DOCK3: variants seen among roughly 807,000 people sequenced by gnomAD.
DOCK3 encodes dedicator of cytokinesis 3.
DOCK3 carries 60 observed loss-of-function variants against 265.6 expected under a neutral mutation model. That is an observed-to-expected ratio of 0.23 (90% CI 0.18 to 0.28). The LOEUF is 0.28. DOCK3 is among the 10% of genes least tolerant of loss of function. The pLI is 1.00. For synonymous variants in DOCK3, 881 were observed against 938.0 expected, an observed-to-expected ratio of 0.94 and a Z score of 1.11; for missense variants, 1,981 against 2,594.3, an observed-to-expected ratio of 0.76 and a Z score of 5.14.
Position 51,357,087 on chromosome 3 carries a change from C to G in DOCK3, c.4629C>G (p.Cys1543Trp). ...GCAACATTAACCTGCTAAGCATGTG[C>G]CTGAATGGTGTCATTGATGCAGCTG... ...VHGNINLLSMCLNGVIDAAVN... is the reference protein window; with the variant it reads ...VHGNINLLSMWLNGVIDAAVN... Residue 1543 changes from cysteine to tryptophan, a missense_variant, in exon 44 of 53, where the codon TGC becomes TGG. Around this residue, in one of 4 missense-constraint regions of DOCK3, gnomAD observed 1,357 missense variants for 1,866.8 expected, o/e 0.73. Coordinates refer to ENST00000266037, the MANE Select transcript of DOCK3 (RefSeq NM_004947.5). 1 of 1,612,966 alleles carries G rather than the reference C, an allele frequency of 6.2e-7. No individual in the cohort carries two copies. Among genetic ancestry groups the G allele is most frequent in the Non-Finnish European group, 8.5e-7 (1 of 1,179,888 alleles).
chr3:50,993,810 A>G (rs1477066936), intron 5 of DOCK3, among the ~76,000 whole-genome samples: 3 of 152,190 alleles, frequency 2.0e-5, no homozygotes, highest in South Asian at 2.1e-4. Flanking sequence ...TGATCATGCC[A>G]TTGCCCTGCT....
chr3:50,979,211 T>C (rs1051162552), intron 5 of DOCK3, among the ~76,000 whole-genome samples: 1 of 152,238 alleles, frequency 6.6e-6, no homozygotes. Context: ...TCAACTACTT[T>C]AGTCAGTGTT....
intron 1 of DOCK3, among the ~76,000 whole-genome samples, chr3:50,680,473 C>T (rs2034322974): frequency 6.7e-6 from 1 of 148,622 alleles, no homozygotes; most frequent in South Asian, 2.1e-4. Flanking sequence ...CTTGACCTCT[C>T]AAAGTGCTGG....
At chr3:50,967,639 G>A (rs1303892857) in intron 5 of DOCK3, among the ~76,000 whole-genome samples, 1 of 152,148 alleles carries the variant, frequency 6.6e-6, no homozygotes, top group Non-Finnish European at 1.5e-5. Context: ...TTACAATCAT[G>A]GTGTCAGGGG....
rs139484547 is a variant in DOCK3 at position 50,982,424 on chromosome 3, G to A, written c.315+48347G>A. The stretch of plus-strand genomic sequence containing the variant: ...GCCTTTTGAAGCAGCCACTGCCATC[G>A]TGCTGGCTGCAGTGGGGAGGTGCAA... On this transcript the variant is annotated intron_variant, in intron 5 of 52. Coordinates refer to ENST00000266037, the MANE Select transcript of DOCK3 (RefSeq NM_004947.5). 4.9e-3 allele frequency among the ~76,000 whole-genome samples: 742 copies of A among 152,202 alleles called. 4 individuals are homozygous for A. The highest frequency in any genetic ancestry group is 0.017 in the Middle Eastern group (5 of 294).
chr3:51,157,192 TTTA>T (rs1364311011), intron 10 of DOCK3, among the ~76,000 whole-genome samples: 1 of 152,030 alleles, frequency 6.6e-6, no homozygotes, highest in African/African-American at 2.4e-5. Context: ...ATAAACATAC[TTTA>T]TTATTTTAAG....
At chr3:50,921,917 G>C (rs990122147) in intron 4 of DOCK3, among the ~76,000 whole-genome samples, 4 of 152,154 alleles carry the variant, frequency 2.6e-5, no homozygotes, top group Non-Finnish European at 5.9e-5. Context: ...TCCTCTGGAA[G>C]CTTCATCTCA....
In DOCK3 at chr3:51,064,550, C is replaced by T. The variant is rs754707449; in HGVS notation, c.418C>T (p.Arg140Trp). 8.1e-6 allele frequency: 13 copies of T among 1,613,894 alleles called. No individual in the cohort carries two copies. In the South Asian group the frequency reaches 9.9e-5, roughly 12 times the overall value. ...LSGHLTQDQVREVKRHITVRL... is the reference protein window; with the variant it reads ...LSGHLTQDQVWEVKRHITVRL... ...TGGTCACCTGACTCAGGATCAGGTG[C>T]GGGAGGTTAAGCGGCACATCACCGT... Residue 140 changes from arginine to tryptophan, a missense_variant, in exon 6 of 53, where the codon CGG (arginine) becomes TGG (tryptophan). Arg to Trp is a moderately radical substitution (Grantham distance 101). Coordinates refer to ENST00000266037, the MANE Select transcript of DOCK3 (RefSeq NM_004947.5).
chr3:50,933,318 T>C (rs749046480), intron 4 of DOCK3, among the ~76,000 whole-genome samples: 4 of 152,234 alleles, frequency 2.6e-5, no homozygotes, highest in Non-Finnish European at 4.4e-5. Flanking sequence ...AGAAATCCTG[T>C]TCCTTTTTGT....
chr3:51,302,230 T>C (rs1020202080), intron 27 of DOCK3, among the ~76,000 whole-genome samples: 1 of 152,212 alleles, frequency 6.6e-6, no homozygotes, highest in Non-Finnish European at 1.5e-5. Flanking sequence ...GTCTGTTTTG[T>C]CAGAAACTAG....
At chr3:51,157,680 G>C (rs2085919927) in intron 10 of DOCK3, among the ~76,000 whole-genome samples, 2 of 152,126 alleles carry the variant, frequency 1.3e-5, no homozygotes, top group South Asian at 4.1e-4. Flanking sequence ...TTGTACCTTA[G>C]GTGCCTTGCT....
chr3:51,083,945 CTG>C (rs2082328573), intron 7 of DOCK3, among the ~76,000 whole-genome samples: 1 of 152,106 alleles, frequency 6.6e-6, no homozygotes, highest in Non-Finnish European at 1.5e-5. Flanking sequence ...GATCACACCA[CTG>C]TACTCCAGCC....
intron 22 of DOCK3, among the ~76,000 whole-genome samples, chr3:51,259,560 C>G (rs2079740857): frequency 6.6e-6 from 1 of 152,152 alleles, no homozygotes; most frequent in South Asian, 2.1e-4. Context: ...CTGCTTATAG[C>G]AGATGTCTTG....
intron 4 of DOCK3, among the ~76,000 whole-genome samples, chr3:50,933,118 AC>A (rs2051161261): frequency 6.6e-6 from 1 of 152,136 alleles, no homozygotes; most frequent in African/African-American, 2.4e-5. Flanking sequence ...GGAAAGACCC[AC>A]CCCGATGATT....
chr3:51,248,221 A>G (rs1362512959), intron 22 of DOCK3, among the ~76,000 whole-genome samples: 1 of 152,248 alleles, frequency 6.6e-6, no homozygotes, highest in Non-Finnish European at 1.5e-5. Flanking sequence ...TGTTGACACC[A>G]ACATTGGCTT....
chr3:50,963,162 G>A (rs1169597403), intron 5 of DOCK3, among the ~76,000 whole-genome samples: 3 of 152,210 alleles, frequency 2.0e-5, no homozygotes, highest in Non-Finnish European at 4.4e-5. Flanking sequence ...TCCAGCCTGG[G>A]TGACAGTGAG....
intron 2 of DOCK3, among the ~76,000 whole-genome samples, chr3:50,836,651 A>G (rs1559704079): frequency 6.6e-6 from 1 of 152,144 alleles, no homozygotes; most frequent in Non-Finnish European, 1.5e-5. Context: ...GGTCTCTGAC[A>G]TGCCCCAGAG....
rs1374364282 is a variant in DOCK3 at position 50,719,467 on chromosome 3, C to T, written c.37+44167C>T. 7 of 749,030 alleles carry T rather than the reference C, an allele frequency of 9.3e-6. No individual in the cohort carries two copies. The East Asian group carries it at 1.8e-4, about 19-fold the overall frequency. 46.4% of individuals were successfully genotyped at this position (749,030 alleles called of 1,614,324 possible). The stretch of plus-strand genomic sequence containing the variant: ...GAATGGTCTGATGGTTAAGATAAAG[C>T]ACAAGTCAAATTTATTAGAATTGTC... On this transcript the variant is annotated intron_variant, in intron 1 of 52. Coordinates refer to ENST00000266037, the MANE Select transcript of DOCK3 (RefSeq NM_004947.5).
chr3:50,998,589 C>G (rs2078363609), intron 5 of DOCK3, among the ~76,000 whole-genome samples: 1 of 152,130 alleles, frequency 6.6e-6, no homozygotes, highest in African/African-American at 2.4e-5. Context: ...TTCCTAGAAA[C>G]TTTTTATAAA....
Sources: gnomAD v4.1 joint callset for allele counts (sites outside exome capture counted in the v4.1 genomes callset) on GRCh38, gnomAD v4.1.1 for gene constraint, gnomAD v4.1.1 regional missense constraint, MANE v1.5 for transcripts, NCBI Gene and HGNC (gene_info 2026-07-23, HGNC 2026-07-21) for gene names.